The following COLGALT2 variants were observed in gnomAD, a reference collection of about 807,000 sequenced individuals.
The protein encoded by COLGALT2 is procollagen galactosyltransferase 2.
In COLGALT2, 49 loss-of-function variants were observed where a neutral mutation model predicts 73.4. The observed-to-expected ratio is 0.67, with a 90% CI of 0.53 to 0.85. COLGALT2 has a LOEUF of 0.85. Among genes scored for constraint, COLGALT2 ranks in the 40% least tolerant of loss-of-function variants. The pLI is 0.00. For missense variants in COLGALT2, 722 were observed against 790.2 expected, an observed-to-expected ratio of 0.91 and a Z score of 1.03; for synonymous variants, 295 against 307.6, an observed-to-expected ratio of 0.96 and a Z score of 0.43.
rs542819718 is a variant in COLGALT2, at chr1:183,981,896, G to C, written c.264-3376C>G. Among the ~76,000 whole-genome samples, 18 of 152,250 alleles carry C rather than the reference G, an allele frequency of 1.2e-4. 2 individuals are homozygous for C. In the South Asian group the frequency reaches 3.7e-3, roughly 32 times the overall value. ...GGAATACATTTCTGTAAAATACCAAGAAACTTAAAACTATGTAACTTAAGC... is the reference window on the plus strand; with the variant it reads ...GGAATACATTTCTGTAAAATACCAACAAACTTAAAACTATGTAACTTAAGC... On this transcript the variant is annotated intron_variant, in intron 1 of 11. Coordinates refer to ENST00000361927, the MANE Select transcript of COLGALT2 (RefSeq NM_015101.4).
chr1:184,006,096 C>T (rs767714894), intron 1 of COLGALT2, among the ~76,000 whole-genome samples: 8 of 152,166 alleles, frequency 5.3e-5, no homozygotes, highest in Admixed American at 1.3e-4. Context: ...ACTATATGTA[C>T]AGTTTTCTAT....
Position 183,936,321 on chromosome 1 carries a change from G to C in COLGALT2, c.*2440C>G. The C allele has an allele frequency of 2.0e-6, 2 of 983,854 alleles. No individual in the cohort carries two copies. Among genetic ancestry groups the C allele is most frequent in the Non-Finnish European group, 2.4e-6 (2 of 829,204 alleles). 60.9% of individuals were successfully genotyped at this position (983,854 alleles called of 1,614,324 possible). A position where few individuals can be genotyped will look rare whatever the true frequency, so the allele number is the denominator to read the frequency against. ...CTGAAGAGATGACTTTAAAAAAAAA[G>C]TCACATCTGCGGCTCACAGTGTTCA... On this transcript the variant is annotated 3_prime_UTR_variant, in exon 12 of 12. Transcript: ENST00000361927.
intron 1 of COLGALT2, among the ~76,000 whole-genome samples, chr1:184,033,142 C>T (rs1335467234): frequency 6.6e-6 from 1 of 152,248 alleles, no homozygotes; most frequent in African/African-American, 2.4e-5. Context: ...CAAGCAACAG[C>T]AGGCTCTCCA....
rs1347420395 is a variant in COLGALT2 at position 184,011,734 on chromosome 1, TTTTAGATGG to T, written c.263+25352_263+25360del. Among the ~76,000 whole-genome samples, 8 of 152,226 alleles carry T rather than the reference TTTTAGATGG, an allele frequency of 5.3e-5. No individual in the cohort carries two copies. In the East Asian group the frequency reaches 1.5e-3, roughly 29 times the overall value. ...GTAGGCAGCTCTCTCGGCTGCCTAC[TTTTAGATGG>T]TGTAAACCCTATATGTAAAACCTAC... On this transcript the variant is annotated intron_variant, in intron 1 of 11. Coordinates refer to ENST00000361927, the MANE Select transcript of COLGALT2 (RefSeq NM_015101.4).
At chr1:184,019,946 A>G (rs1240232048) in intron 1 of COLGALT2, among the ~76,000 whole-genome samples, 1 of 152,218 alleles carries the variant, frequency 6.6e-6, no homozygotes, top group Non-Finnish European at 1.5e-5. Flanking sequence ...TAAATTTAGC[A>G]GGTCCTTCCA....
At chr1:183,945,742 T>A (rs747187449) in intron 8 of COLGALT2, 178 bp from the exon 9 acceptor site, 4 of 664,120 alleles carry the variant, frequency 6.0e-6, no homozygotes, top group Non-Finnish European at 1.0e-5. Context: ...TATTATGAGG[T>A]CTGGGAAGAC....
At chr1:183,966,327 G>C (rs1475588204) in intron 5 of COLGALT2, among the ~76,000 whole-genome samples, 2 of 152,194 alleles carry the variant, frequency 1.3e-5, no homozygotes, top group Admixed American at 6.5e-5. Context: ...GCTACATTTT[G>C]AAGGACTGTT....
At chr1:184,035,744 T>G (rs960332491) in intron 1 of COLGALT2, among the ~76,000 whole-genome samples, 1 of 152,188 alleles carries the variant, frequency 6.6e-6, no homozygotes, top group African/African-American at 2.4e-5. Context: ...AGGTAACTGA[T>G]ATGTGTGAAT....
chr1:183,988,914 T>C (rs2102828263), intron 1 of COLGALT2, among the ~76,000 whole-genome samples: 1 of 152,336 alleles, frequency 6.6e-6, no homozygotes, highest in East Asian at 1.9e-4. Context: ...CTTTACCCTT[T>C]GTGGAGAATC....
chr1:183,955,523 T>G (rs1051773502), intron 6 of COLGALT2, among the ~76,000 whole-genome samples: 2 of 152,246 alleles, frequency 1.3e-5, no homozygotes, highest in Non-Finnish European at 2.9e-5. Flanking sequence ...AATGGGAAGA[T>G]TCCAGCTGGG....
chr1:183,937,215 G>GC lies in COLGALT2; in HGVS notation c.*1545dup, dbSNP rs932227960. ...AAGCTCAGGGTTTGGGGTGTGCACG[G>GC]CCCCCCATATGGCTGCATGGTGCAT... On this transcript the variant is annotated 3_prime_UTR_variant, in exon 12 of 12. Coordinates refer to ENST00000361927, the MANE Select transcript of COLGALT2 (RefSeq NM_015101.4). 4.8e-5 allele frequency: 58 copies of GC among 1,213,040 alleles called. No homozygotes were observed. The highest frequency in any genetic ancestry group is 1.7e-4 in the African/African-American group (11 of 64,164). 75.1% of individuals were successfully genotyped at this position (1,213,040 alleles called of 1,614,324 possible).
At position 183,945,509 on chromosome 1, in the gene COLGALT2, G is replaced by A. The variant is rs779934343; in HGVS notation, c.1192C>T (p.Arg398Ter). ...ALNIEMLPGY[R>*]DPYSSRPLTR... is the part of the protein sequence containing the mutation. ...AGAGGCCTGGAGGAATAGGGATCTC[G>A]ATAGCCAGGCAGCATTTCAATATTC... is the stretch of plus-strand genomic sequence containing the variant. The change falls in exon 9 of 12, where the codon CGA becomes TGA. Residue 398 changes from arginine (R) to a stop codon, truncating the protein, a stop_gained. Coordinates refer to ENST00000361927, the MANE Select transcript of COLGALT2 (RefSeq NM_015101.4). LOFTEE classifies it high-confidence loss of function. 1.2e-5 allele frequency: 20 copies of A among 1,614,044 alleles called. No individual in the cohort carries two copies. Among genetic ancestry groups the A allele is most frequent in the Admixed American group, 5.0e-5 (3 of 60,006 alleles).
chr1:183,958,022 T>C (rs1205450406), intron 6 of COLGALT2, among the ~76,000 whole-genome samples: 2 of 152,178 alleles, frequency 1.3e-5, no homozygotes, highest in Admixed American at 6.5e-5. Flanking sequence ...CTCCTCATGC[T>C]TTATAGACCA....
chr1:183,963,505 A>G (rs1187068416), intron 6 of COLGALT2, among the ~76,000 whole-genome samples: 2 of 152,194 alleles, frequency 1.3e-5, no homozygotes, highest in Non-Finnish European at 2.9e-5. Context: ...ATATACCATA[A>G]TGAATCTGCC....
intron 10 of COLGALT2, among the ~76,000 whole-genome samples, chr1:183,941,928 C>A (rs1670124015): frequency 6.7e-6 from 1 of 150,018 alleles, no homozygotes; most frequent in Admixed American, 6.7e-5. Context: ...GAAACAAGTT[C>A]ATTGTTTTGG....
chr1:183,974,337 A>G (rs199938734), intron 3 of COLGALT2, among the ~76,000 whole-genome samples: 1 of 152,230 alleles, frequency 6.6e-6, no homozygotes. Flanking sequence ...AGAAATAATC[A>G]TACTGAACTA....
intron 1 of COLGALT2, among the ~76,000 whole-genome samples, chr1:183,997,663 C>T (rs1387186397): frequency 1.3e-5 from 2 of 152,212 alleles, no homozygotes; most frequent in Non-Finnish European, 2.9e-5. Flanking sequence ...CTGCATGTGG[C>T]CCATGGGCCG....
Position 183,962,919 on chromosome 1 carries a change from G to A in COLGALT2, c.952+982C>T, listed in dbSNP as rs184222492. 3.9e-5 allele frequency among the ~76,000 whole-genome samples: 6 copies of A among 152,312 alleles called. No homozygotes were observed. The East Asian group carries it at 9.6e-4, about 24-fold the overall frequency. ...TCTTATACATCAGAGCCTCTTGGCG[G>A]GGCTCCTGCCCACTTTCTAGCCTCA... On this transcript the variant is annotated intron_variant, in intron 6 of 11. Transcript: ENST00000361927.
At chr1:183,992,281 T>C (rs180914167) in intron 1 of COLGALT2, among the ~76,000 whole-genome samples, 1 of 152,330 alleles carries the variant, frequency 6.6e-6, no homozygotes, top group Non-Finnish European at 1.5e-5. Context: ...TGATGTCCCA[T>C]CTACCACTAC....
Sources: gnomAD v4.1 joint callset for allele counts (sites outside exome capture counted in the v4.1 genomes callset) on GRCh38, gnomAD v4.1.1 for gene constraint, MANE v1.5 for transcripts, NCBI Gene and HGNC (gene_info 2026-07-23, HGNC 2026-07-21) for gene names.